Variants in MAGI2 observed in about 807,000 individuals in gnomAD.
MAGI2 encodes the protein membrane-associated guanylate kinase, WW and PDZ domain-containing protein 2.
Under a neutral mutation model 133.3 loss-of-function variants are expected in MAGI2, and 35 were observed. The observed-to-expected ratio is 0.26, with a 90% confidence interval of 0.20 to 0.35. The LOEUF (loss-of-function observed/expected upper bound fraction) is 0.35. Among genes scored for constraint, MAGI2 ranks in the 10% least tolerant of loss-of-function variants. The probability of loss-of-function intolerance (pLI) is 1.00; values close to 1 mark genes in which losing one functional copy is unlikely to be tolerated. For synonymous variants in MAGI2, 729 were observed against 710.6 expected (o/e 1.03, Z -0.41); for missense variants, 1,636 against 1,863.4 (o/e 0.88, Z 2.25).
At chr7:79,054,101 A>T (rs549334244) in intron 1 of MAGI2, among the ~76,000 whole-genome samples, 3 of 151,964 alleles carry the variant, frequency 2.0e-5, no homozygotes, top group Non-Finnish European at 4.4e-5. Flanking sequence ...GAGGCTGAGG[A>T]GGGAGAATCG....
At chr7:78,527,645 G>A (rs1797092124) in intron 3 of MAGI2, among the ~76,000 whole-genome samples, 3 of 152,160 alleles carry the variant, frequency 2.0e-5, no homozygotes, top group Admixed American at 1.3e-4. Context: ...CTAATTTTAG[G>A]TATGAGGAAA....
chr7:79,221,777 G>A (rs1040401563), intron 1 of MAGI2, among the ~76,000 whole-genome samples: 1 of 152,000 alleles, frequency 6.6e-6, no homozygotes, highest in African/African-American at 2.4e-5. Flanking sequence ...GAATGGATTA[G>A]AGTAGGCAAG....
intron 3 of MAGI2, among the ~76,000 whole-genome samples, chr7:78,607,075 T>C (rs893028737): frequency 6.6e-6 from 1 of 152,184 alleles, no homozygotes; most frequent in Non-Finnish European, 1.5e-5. Context: ...CAAGGACCTT[T>C]GTTCCTTGTT....
intron 6 of MAGI2, among the ~76,000 whole-genome samples, chr7:78,448,376 AATTTAC>A (rs1788371852): frequency 6.6e-6 from 1 of 152,062 alleles, no homozygotes; most frequent in Non-Finnish European, 1.5e-5. Context: ...TGGATAGACT[AATTTAC>A]ATTCACATCA....
intron 21 of MAGI2, among the ~76,000 whole-genome samples, chr7:78,077,635 A>T (rs559677133): frequency 3.3e-5 from 4 of 120,326 alleles, no homozygotes; most frequent in African/African-American, 1.3e-4. Flanking sequence ...AACTCAGGGT[A>T]TAGATCTGCC....
At chr7:78,326,721 A>T (rs915814182) in intron 9 of MAGI2, among the ~76,000 whole-genome samples, 1 of 152,222 alleles carries the variant, frequency 6.6e-6, no homozygotes, top group African/African-American at 2.4e-5. Context: ...TTCCTTAATG[A>T]TATCTTGGGA....
intron 9 of MAGI2, among the ~76,000 whole-genome samples, chr7:78,328,059 T>G (rs1373128323): frequency 6.6e-6 from 1 of 152,210 alleles, no homozygotes; most frequent in African/African-American, 2.4e-5. Flanking sequence ...GCACAGCATC[T>G]TGTTCAGCTC....
At chr7:78,890,733 T>C (rs12539115) in intron 2 of MAGI2, among the ~76,000 whole-genome samples, 78,646 of 151,884 alleles carry the variant, frequency 0.52, 21,970 homozygotes, top group South Asian at 0.68. Flanking sequence ...AAGCAGTGTG[T>C]AGAGGGAAAT....
At chr7:78,823,559 G>A (rs375770919) in intron 2 of MAGI2, among the ~76,000 whole-genome samples, 1 of 141,006 alleles carries the variant, frequency 7.1e-6, no homozygotes, top group East Asian at 2.1e-4. Context: ...CTCCAGCCTG[G>A]GTGACAGCGA....
intron 2 of MAGI2, among the ~76,000 whole-genome samples, chr7:78,836,678 T>C (rs939760347): frequency 6.6e-6 from 1 of 152,180 alleles, no homozygotes; most frequent in African/African-American, 2.4e-5. Context: ...TGAAGAGATT[T>C]CTACTAATAA....
At chr7:78,778,377 T>C (rs1169494427) in intron 2 of MAGI2, among the ~76,000 whole-genome samples, 2 of 152,230 alleles carry the variant, frequency 1.3e-5, no homozygotes, top group African/African-American at 2.4e-5. Flanking sequence ...TCTCACCTTA[T>C]AACATGATCA....
intron 1 of MAGI2, chr7:79,343,264 A>G (rs1227835304): frequency 1.3e-5 from 2 of 152,114 alleles, no homozygotes; most frequent in Non-Finnish European, 2.9e-5. Flanking sequence ...GGGGTAAAAT[A>G]TGGTAATATG....
At chr7:79,443,263 AGTGT>A (rs10600872) in intron 1 of MAGI2, among the ~76,000 whole-genome samples, 49,278 of 142,910 alleles carry the variant, frequency 0.34, 9,814 homozygotes, top group Middle Eastern at 0.47. Flanking sequence ...TAGTGTTTGA[AGTGT>A]GTGTGTGTGT....
intron 1 of MAGI2, chr7:79,012,372 GTCT>G (rs1465463035): frequency 2.0e-5 from 3 of 152,152 alleles, no homozygotes; most frequent in Admixed American, 6.6e-5. Flanking sequence ...TGAGCCGGAA[GTCT>G]TCTCTCTGCT....
At chr7:79,282,408 G>T (rs1224794462) in intron 1 of MAGI2, among the ~76,000 whole-genome samples, 1 of 152,156 alleles carries the variant, frequency 6.6e-6, no homozygotes, top group African/African-American at 2.4e-5. Context: ...GCAAATAACT[G>T]CTGCTGAGGA....
At chr7:78,918,356 T>G (rs1798959139) in intron 2 of MAGI2, among the ~76,000 whole-genome samples, 1 of 152,184 alleles carries the variant, frequency 6.6e-6, no homozygotes, top group Non-Finnish European at 1.5e-5. Context: ...CATTCCCAAT[T>G]CATGGATGAA....
At position 78,168,032 on chromosome 7, in the gene MAGI2, T is replaced by A. The variant is rs147890116; in HGVS notation, c.2480A>T (p.Tyr827Phe). The change falls in exon 15 of 22, where the codon TAT becomes TTT. Residue 827 changes from tyrosine to phenylalanine, a missense_variant. Physicochemically the swap from Tyr to Phe is conservative, Grantham distance 22. Transcript: ENST00000354212. ...GCCGGCTACTGGAATCCCATCAACA[T>A]ACACAAGCTCATCTCCTGGGTGAAG... ...GRLHPGDELV[Y>F]VDGIPVAGKT... The A allele has an allele frequency of 1.1e-4, 184 of 1,614,108 alleles. 1 individual carries two copies. The East Asian group carries it at 3.7e-3, about 33-fold the overall frequency.
intron 9 of MAGI2, among the ~76,000 whole-genome samples, chr7:78,332,187 T>C (rs1486836068): frequency 1.3e-5 from 2 of 152,176 alleles, no homozygotes; most frequent in African/African-American, 2.4e-5. Flanking sequence ...AAGAGGACTG[T>C]GCAAGGCAAA....
chr7:79,002,860 AGTGTGTGTGTGTGT>A (rs4021172), intron 2 of MAGI2, among the ~76,000 whole-genome samples: 25 of 133,622 alleles, frequency 1.9e-4, no homozygotes, highest in Non-Finnish European at 2.5e-4. Flanking sequence ...TTTATTGAAA[AGTGTGTGTGTGTGT>A]GTGTGTGTGT....
Sources: gnomAD v4.1 joint callset for allele counts (sites outside exome capture counted in the v4.1 genomes callset) on GRCh38, gnomAD v4.1.1 for gene constraint, MANE v1.5 for transcripts, NCBI Gene and HGNC (gene_info 2026-07-23, HGNC 2026-07-21) for gene names.